The following MINDY3 variants were observed in gnomAD, a reference collection of about 807,000 sequenced individuals.
MINDY3 encodes ubiquitin carboxyl-terminal hydrolase MINDY-3.
In MINDY3, 38 loss-of-function variants were observed where a neutral mutation model predicts 69.2. The ratio of observed to expected loss-of-function variants is 0.55; its 90% CI spans 0.42 to 0.72. The LOEUF (loss-of-function observed/expected upper bound fraction) is 0.72. MINDY3 is among the 30% of genes least tolerant of loss of function. The pLI, the probability that MINDY3 is intolerant of heterozygous loss-of-function variation, is 0.00. For missense variants in MINDY3, 522 were observed against 519.0 expected (o/e 1.01, Z -0.06); for synonymous variants, 192 against 180.1 (o/e 1.07, Z -0.53).
intron 1 of MINDY3, 70 bp from the exon 2 acceptor site, chr10:15,848,013 ACTTTG>A: frequency 7.8e-7 from 1 of 1,283,636 alleles, no homozygotes; most frequent in Non-Finnish European, 1.1e-6. Context: ...TCTTTCATGT[ACTTTG>A]CTTTGAGAAT....
intron 14 of MINDY3, among the ~76,000 whole-genome samples, chr10:15,780,466 A>G (rs888032634): frequency 4.6e-5 from 7 of 152,226 alleles, no homozygotes; most frequent in African/African-American, 1.4e-4. Flanking sequence ...AGTTAAATAC[A>G]ATCGGCCCTA....
rs1159960107 is a variant in MINDY3, at chr10:15,816,930, G to A, written c.802-15C>T. 1 of 1,588,636 alleles carries A rather than the reference G, an allele frequency of 6.3e-7. No homozygotes were observed. On this transcript the variant is annotated splice_polypyrimidine_tract_variant and intron_variant, in intron 9 of 14. Coordinates refer to ENST00000277632, the MANE Select transcript of MINDY3 (RefSeq NM_024948.4). ...TAAGAACCAACCTAGAACAAATGTAGCAAAATAAAACAAATAAACAAATTA... is the reference window on the plus strand; with the variant it reads ...TAAGAACCAACCTAGAACAAATGTAACAAAATAAAACAAATAAACAAATTA...
At chr10:15,798,969 CA>C (rs1247450020) in intron 10 of MINDY3, among the ~76,000 whole-genome samples, 2 of 151,954 alleles carry the variant, frequency 1.3e-5, no homozygotes, top group African/African-American at 4.8e-5. Context: ...AACATGTGTT[CA>C]TTTAGAGCAG....
chr10:15,859,290 G>C (rs999862268), intron 1 of MINDY3, among the ~76,000 whole-genome samples: 2 of 152,010 alleles, frequency 1.3e-5, no homozygotes, highest in Non-Finnish European at 2.9e-5. Flanking sequence ...TCTATTTCGG[G>C]AACAGGTGTT....
chr10:15,833,089 TG>T (rs1472056981), intron 8 of MINDY3, among the ~76,000 whole-genome samples: 1 of 152,152 alleles, frequency 6.6e-6, no homozygotes, highest in Non-Finnish European at 1.5e-5. Context: ...TTGGCCAAAA[TG>T]GGATCCATTT....
intron 9 of MINDY3, chr10:15,817,240 T>C (rs1286167547): frequency 4.8e-6 from 1 of 209,736 alleles, no homozygotes; most frequent in Non-Finnish European, 9.4e-6. Context: ...TTCTTAGAAT[T>C]TCAGCATGAA....
intron 10 of MINDY3, among the ~76,000 whole-genome samples, chr10:15,813,563 G>A (rs767723388): frequency 3.3e-5 from 5 of 152,172 alleles, no homozygotes; most frequent in Non-Finnish European, 5.9e-5. Flanking sequence ...GAGAATGTCC[G>A]CCTCCATTAA....
intron 12 of MINDY3, 126 bp downstream of exon 12, chr10:15,789,121 T>A: frequency 1.7e-6 from 1 of 580,014 alleles, no homozygotes; most frequent in South Asian, 2.6e-5. Flanking sequence ...AATCTTTGCC[T>A]TACATAGATT....
chr10:15,797,794 T>C (rs558410118), intron 10 of MINDY3, among the ~76,000 whole-genome samples: 1 of 152,280 alleles, frequency 6.6e-6, no homozygotes, highest in Middle Eastern at 3.4e-3. Flanking sequence ...AGGGAGCAAT[T>C]GCTGACATGT....
chr10:15,858,626 A>C (rs1588671324), intron 1 of MINDY3, among the ~76,000 whole-genome samples: 1 of 152,228 alleles, frequency 6.6e-6, no homozygotes, highest in East Asian at 1.9e-4. Context: ...AATAAGCTAA[A>C]TCACATGAAC....
At chr10:15,838,304 C>A in intron 4 of MINDY3, 25 bp from the exon 5 acceptor site, 1 of 1,579,068 alleles carries the variant, frequency 6.3e-7, no homozygotes, top group African/African-American at 1.4e-5. Context: ...CACTTTTCAG[C>A]ACTACACATG....
intron 13 of MINDY3, among the ~76,000 whole-genome samples, chr10:15,785,126 C>G (rs1163961973): frequency 6.6e-6 from 1 of 152,102 alleles, no homozygotes; most frequent in Non-Finnish European, 1.5e-5. Context: ...ACTCACTGCT[C>G]TAAAGGTAAC....
At chr10:15,821,188 A>G (rs1180706544) in intron 9 of MINDY3, among the ~76,000 whole-genome samples, 1 of 152,214 alleles carries the variant, frequency 6.6e-6, no homozygotes, top group African/African-American at 2.4e-5. Context: ...AAAATGCTTG[A>G]AATTTTTTTC....
chr10:15,785,934 C>G (rs1446814797), intron 13 of MINDY3, among the ~76,000 whole-genome samples: 1 of 152,054 alleles, frequency 6.6e-6, no homozygotes, highest in Admixed American at 6.6e-5. Context: ...TATCTGTTAT[C>G]TAGTTAAGTA....
At chr10:15,792,910 A>C (rs1020693294) in intron 11 of MINDY3, among the ~76,000 whole-genome samples, 27 of 152,072 alleles carry the variant, frequency 1.8e-4, no homozygotes, top group Non-Finnish European at 1.5e-5. Context: ...TAAAAAAACA[A>C]CACCATGGTT....
intron 10 of MINDY3, among the ~76,000 whole-genome samples, chr10:15,811,621 C>G (rs920942842): frequency 6.6e-6 from 1 of 152,064 alleles, no homozygotes; most frequent in Non-Finnish European, 1.5e-5. Flanking sequence ...ATGAATAGAA[C>G]TCAAAACTGC....
intron 6 of MINDY3, 148 bp from the exon 7 acceptor site, chr10:15,834,764 A>G: frequency 3.4e-6 from 2 of 587,058 alleles, no homozygotes. Context: ...ATGGGGGTGC[A>G]TTTGAGATAA....
rs191638273 is a variant in MINDY3 at position 15,799,381 on chromosome 10, T to G, written c.883-3209A>C. Among the ~76,000 whole-genome samples, 198 of 152,068 alleles carry G rather than the reference T, an allele frequency of 1.3e-3. 1 individual carries two copies. The highest frequency in any genetic ancestry group is 4.5e-3 in the African/African-American group (185 of 41,504). ...GCCCGGCTAATTTTTGTATTTTTAG[T>G]AGAGACCGGGTTTCACTATCTTGGC... On this transcript the variant is annotated intron_variant, in intron 10 of 14. Transcript: ENST00000277632.
At chr10:15,850,627 C>T (rs1834216329) in intron 1 of MINDY3, among the ~76,000 whole-genome samples, 1 of 152,114 alleles carries the variant, frequency 6.6e-6, no homozygotes, top group Non-Finnish European at 1.5e-5. Context: ...TTTAGTCAGA[C>T]CGGTTGTCTG....
Sources: gnomAD v4.1 joint callset for allele counts (sites outside exome capture counted in the v4.1 genomes callset) on GRCh38, gnomAD v4.1.1 for gene constraint, MANE v1.5 for transcripts, NCBI Gene and HGNC (gene_info 2026-07-23, HGNC 2026-07-21) for gene names.